Variants in STRBP observed in about 807,000 individuals in gnomAD.
STRBP encodes the protein spermatid perinuclear RNA binding protein, also known as spermatid perinuclear RNA-binding protein.
In STRBP, 13 loss-of-function variants were observed where a neutral mutation model predicts 80.1. The ratio of observed to expected loss-of-function variants is 0.16; its 90% confidence interval spans 0.11 to 0.26. STRBP has a LOEUF of 0.26. Among genes scored for constraint, STRBP ranks in the 10% least tolerant of loss-of-function variants. STRBP has a pLI of 1.00. For synonymous variants in STRBP, 284 were observed against 291.2 expected (o/e 0.98, Z 0.25); for missense variants, 485 against 815.2 (o/e 0.59, Z 4.93).
chr9:123,207,877 T>C (rs2039577394), intron 2 of STRBP, among the ~76,000 whole-genome samples: 1 of 152,226 alleles, frequency 6.6e-6, no homozygotes. Flanking sequence ...CACACAGTTG[T>C]TTATCATATT....
intron 9 of STRBP, 146 bp from the exon 10 acceptor site, chr9:123,158,575 G>A (rs539757752): frequency 3.0e-6 from 2 of 657,224 alleles, no homozygotes; most frequent in African/African-American, 3.7e-5. Flanking sequence ...CAGTTAAGTG[G>A]AGTAAAAAGG....
At chr9:123,116,232 A>T in intron 2 of STRBP, 1 of 371,750 alleles carries the variant, frequency 2.7e-6, no homozygotes, top group Non-Finnish European at 5.3e-6. Context: ...GTTAGAGCAC[A>T]TGTTTGAAGG....
At chr9:123,129,401 A>C (rs1293545846) in intron 17 of STRBP, among the ~76,000 whole-genome samples, 1 of 152,220 alleles carries the variant, frequency 6.6e-6, no homozygotes, top group Non-Finnish European at 1.5e-5. Flanking sequence ...ATAAATGAAA[A>C]AAATTTCTAA....
In STRBP at chr9:123,268,513, C is replaced by T. The variant is rs1395609829; in HGVS notation, c.-379G>A. The T allele has an allele frequency of 2.5e-4, 41 of 166,378 alleles. No individual in the cohort carries two copies. The highest frequency in any genetic ancestry group is 1.4e-3 in the Admixed American group (21 of 15,402). 10.3% of individuals were successfully genotyped at this position (166,378 alleles called of 1,614,324 possible). A position where few individuals can be genotyped will look rare whatever the true frequency, so the allele number is the denominator to read the frequency against. On this transcript the variant is annotated 5_prime_UTR_variant, in exon 1 of 19. Coordinates refer to ENST00000348403, the MANE Select transcript of STRBP (RefSeq NM_018387.5). ...CCGCCACCTCGCCCGCTCGCGTCTC[C>T]GGCTCCTCTGCCCAGCGGCGGCGGC...
chr9:123,136,432 A>G lies in STRBP; in HGVS notation c.1581T>C (p.Tyr527=), dbSNP rs1365851705. ...ELNEKRRGLK[Y]ELISETGGSH... ...TTCCACCAGTCTCTGAGATGAGTTC[A>G]TACTTGAGACCTCTTCTTTTTTCAT... The change falls in exon 15 of 19, where the codon TAT becomes TAC. Residue 527 remains tyrosine, a synonymous_variant. Transcript: ENST00000348403. This position sits in a 1 kb window ranked among gnomAD's most constrained non-coding sequence, Gnocchi z 4.2. 15 of 1,614,152 alleles carry G rather than the reference A, an allele frequency of 9.3e-6. No individual in the cohort carries two copies. The highest frequency in any genetic ancestry group is 1.3e-5 in the Non-Finnish European group (15 of 1,180,016).
At chr9:123,158,259 G>A (rs2037373994) in intron 10 of STRBP, 73 bp downstream of exon 10, 8 of 1,556,676 alleles carry the variant, frequency 5.1e-6, no homozygotes, top group East Asian at 2.2e-5. Flanking sequence ...AGAAAAAAGT[G>A]TTTGAACACA....
chr9:123,218,623 C>A (rs1363652531), intron 2 of STRBP, among the ~76,000 whole-genome samples: 1 of 151,916 alleles, frequency 6.6e-6, no homozygotes, highest in Non-Finnish European at 1.5e-5. Flanking sequence ...CCCGCCTCGG[C>A]CTCCCAAAGT....
chr9:123,157,470 A>G (rs542493247), intron 11 of STRBP, among the ~76,000 whole-genome samples: 2 of 152,302 alleles, frequency 1.3e-5, no homozygotes, highest in South Asian at 4.1e-4. Context: ...ACCTAATAAG[A>G]ACAGAAGAGA....
chr9:123,125,948 C>T (rs2035877598), intron 18 of STRBP, among the ~76,000 whole-genome samples: 1 of 152,136 alleles, frequency 6.6e-6, no homozygotes, highest in African/African-American at 2.4e-5. Flanking sequence ...TTCTGAAAAT[C>T]AAAAGCAATG....
rs1240485257 is a variant in STRBP at position 123,136,971 on chromosome 9, T to C, written c.1498-456A>G. On this transcript the variant is annotated intron_variant, in intron 14 of 18. Transcript: ENST00000348403. This position sits in a 1 kb window ranked among gnomAD's most constrained non-coding sequence, Gnocchi z 4.2. ...GTTCCCATACACCTCTCAGTCACTC[T>C]AAACAGATTTAAGGGGACCTAAGGT... Among the ~76,000 whole-genome samples, 1 of 152,224 alleles carries C rather than the reference T, an allele frequency of 6.6e-6. No individual in the cohort carries two copies. The highest frequency in any genetic ancestry group is 1.5e-5 in the Non-Finnish European group (1 of 68,026).
intron 3 of STRBP, among the ~76,000 whole-genome samples, 186 bp from the exon 4 acceptor site, chr9:123,179,413 G>C (rs550291335): frequency 1.6e-4 from 25 of 152,256 alleles, no homozygotes; most frequent in South Asian, 1.2e-3. Context: ...CTCCTCACCA[G>C]AAAACAAGAG....
chr9:123,159,918 A>C (rs2037451426), intron 8 of STRBP, among the ~76,000 whole-genome samples: 1 of 152,170 alleles, frequency 6.6e-6, no homozygotes, highest in South Asian at 2.1e-4. Context: ...CTTATTTGTA[A>C]ATGTCTCCAC....
At position 123,169,920 on chromosome 9, in the gene STRBP, A is replaced by G. The variant is rs1166869662; in HGVS notation, c.517T>C (p.Leu173=). The change falls in exon 6 of 19, where the codon TTG becomes CTG. Residue 173 remains leucine, a synonymous_variant. Coordinates refer to ENST00000348403, the MANE Select transcript of STRBP (RefSeq NM_018387.5). The part of the protein sequence containing the change: ...ILTSPLIRDE[L]EKKDGENVSM... The stretch of plus-strand genomic sequence containing the variant: ...TGTGTACCTCCATCCTTCTTCTCCA[A>G]TTCGTCCCTAATTAGAGGTGAGGTA... The G allele has an allele frequency of 6.4e-7, 1 of 1,572,068 alleles. No individual in the cohort carries two copies. The highest frequency in any genetic ancestry group is 8.6e-7 in the Non-Finnish European group (1 of 1,161,304).
Position 123,259,062 on chromosome 9 carries a change from C to CA in STRBP, c.-302+9373dup, listed in dbSNP as rs34065858. ...AGAATAGACTATAAGGAGGAAAGGG[C>CA]AAAAAAAAAAAAAGGGGGGGGGATT... On this transcript the variant is annotated intron_variant, in intron 1 of 18. Transcript: ENST00000348403. Among the ~76,000 whole-genome samples the CA allele has an allele frequency of 3.3e-3, 220 of 66,968 alleles. 1 individual carries two copies. Among genetic ancestry groups the CA allele is most frequent in the Middle Eastern group, 0.012 (1 of 82 alleles). 43.9% of individuals were successfully genotyped at this position (66,968 alleles called of 152,430 possible).
At chr9:123,116,532 A>G (rs2035648185) in intron 2 of STRBP, among the ~76,000 whole-genome samples, 1 of 152,170 alleles carries the variant, frequency 6.6e-6, no homozygotes, top group Non-Finnish European at 1.5e-5. Context: ...GCACACTAAC[A>G]AAGGAACAGA....
chr9:123,128,424 T>G (rs1340668609), intron 17 of STRBP, among the ~76,000 whole-genome samples, 166 bp from the exon 18 acceptor site: 2 of 152,178 alleles, frequency 1.3e-5, no homozygotes, highest in East Asian at 1.9e-4. Flanking sequence ...CCACTCTCTG[T>G]GTGCCTGCTT....
chr9:123,138,365 T>C (rs2036449452), intron 14 of STRBP, among the ~76,000 whole-genome samples: 1 of 152,222 alleles, frequency 6.6e-6, no homozygotes, highest in South Asian at 2.1e-4. Flanking sequence ...CATGACATCA[T>C]CTGTCCTCCA....
intron 2 of STRBP, among the ~76,000 whole-genome samples, chr9:123,206,024 G>C (rs909520624): frequency 6.6e-6 from 1 of 152,176 alleles, no homozygotes; most frequent in Non-Finnish European, 1.5e-5. Context: ...AAAAGCAATA[G>C]ATTGGGGTCA....
intron 4 of STRBP, among the ~76,000 whole-genome samples, chr9:123,175,627 T>A (rs941810951): frequency 1.3e-5 from 2 of 152,230 alleles, no homozygotes; most frequent in African/African-American, 4.8e-5. Context: ...GAATCAGTCA[T>A]CTTTGATTTC....
Sources: gnomAD v4.1 joint callset for allele counts (sites outside exome capture counted in the v4.1 genomes callset) on GRCh38, gnomAD v4.1.1 for gene constraint, Gnocchi (gnomAD v3.1) non-coding constraint, MANE v1.5 for transcripts, NCBI Gene and HGNC (gene_info 2026-07-23, HGNC 2026-07-21) for gene names.